IMMP2L: variants seen among roughly 807,000 people sequenced by gnomAD.
The protein encoded by IMMP2L is mitochondrial inner membrane protease subunit 2.
A neutral mutation model predicts 19.3 loss-of-function variants in IMMP2L; 18 were observed. That is an observed-to-expected ratio of 0.93 (90% CI 0.64 to 1.38). IMMP2L has a LOEUF of 1.38. Among genes scored for constraint, IMMP2L ranks in the 40% most tolerant of loss-of-function variants. The probability of loss-of-function intolerance (pLI) is 0.00; values close to 1 mark genes in which losing one functional copy is unlikely to be tolerated. For synonymous variants in IMMP2L, 76 were observed against 73.0 expected, an observed-to-expected ratio of 1.04 and a Z score of -0.21; for missense variants, 233 against 218.2, an observed-to-expected ratio of 1.07 and a Z score of -0.43.
chr7:110,663,933 A>C (rs1791245007), intron 5 of IMMP2L, among the ~76,000 whole-genome samples: 1 of 152,212 alleles, frequency 6.6e-6, no homozygotes, highest in Non-Finnish European at 1.5e-5. Context: ...GCTATTGTAT[A>C]TAAACTCCTT....
At chr7:111,283,294 T>C (rs756710678) in intron 3 of IMMP2L, among the ~76,000 whole-genome samples, 1 of 152,096 alleles carries the variant, frequency 6.6e-6, no homozygotes, top group Admixed American at 6.6e-5. Context: ...GAATGGGAGC[T>C]AGCAAGGAGC....
chr7:110,922,727 A>G (rs907167080), intron 4 of IMMP2L, among the ~76,000 whole-genome samples: 1 of 152,174 alleles, frequency 6.6e-6, no homozygotes, highest in African/African-American at 2.4e-5. Flanking sequence ...AGCTGAACTT[A>G]GAATCATGAA....
At chr7:110,954,598 C>T (rs1361507856) in intron 4 of IMMP2L, among the ~76,000 whole-genome samples, 1 of 152,020 alleles carries the variant, frequency 6.6e-6, no homozygotes, top group Non-Finnish European at 1.5e-5. Flanking sequence ...GTGGAGTATA[C>T]ACTATTACAA....
chr7:111,326,932 T>A (rs1021554610), intron 3 of IMMP2L, among the ~76,000 whole-genome samples: 1 of 151,854 alleles, frequency 6.6e-6, no homozygotes, highest in Non-Finnish European at 1.5e-5. Flanking sequence ...TGCAGCACTA[T>A]TCACAATAGC....
chr7:111,088,451 A>G (rs1429462251), intron 3 of IMMP2L, among the ~76,000 whole-genome samples: 1 of 151,416 alleles, frequency 6.6e-6, no homozygotes, highest in Non-Finnish European at 1.5e-5. Flanking sequence ...GAAGAAACTT[A>G]AAAAAAAATG....
At chr7:111,465,875 C>T (rs1323082655) in intron 3 of IMMP2L, among the ~76,000 whole-genome samples, 2 of 152,072 alleles carry the variant, frequency 1.3e-5, no homozygotes, top group African/African-American at 2.4e-5. Context: ...CACATGCACA[C>T]GTATGTTTAT....
At chr7:111,075,838 G>C (rs1198933460) in intron 3 of IMMP2L, among the ~76,000 whole-genome samples, 2 of 152,018 alleles carry the variant, frequency 1.3e-5, no homozygotes, top group African/African-American at 4.8e-5. Context: ...TTTTAAATTT[G>C]ATGTGTCCAT....
At chr7:111,019,503 G>C (rs1003162462) in intron 3 of IMMP2L, among the ~76,000 whole-genome samples, 1 of 152,138 alleles carries the variant, frequency 6.6e-6, no homozygotes, top group Non-Finnish European at 1.5e-5. Context: ...GACAGAGGGG[G>C]AGGCAGCCAG....
chr7:110,774,999 C>A (rs959786406), intron 5 of IMMP2L, among the ~76,000 whole-genome samples: 2 of 151,830 alleles, frequency 1.3e-5, no homozygotes, highest in African/African-American at 4.8e-5. Flanking sequence ...TACCATGCAG[C>A]CAATTAAAAT....
At chr7:110,910,412 A>G (rs931385328) in intron 4 of IMMP2L, among the ~76,000 whole-genome samples, 7 of 152,198 alleles carry the variant, frequency 4.6e-5, no homozygotes, top group East Asian at 1.9e-4. Context: ...TACTCATTCA[A>G]TGAATATTGA....
chr7:111,334,351 A>G (rs1319069518), intron 3 of IMMP2L, among the ~76,000 whole-genome samples: 3 of 151,952 alleles, frequency 2.0e-5, no homozygotes, highest in Non-Finnish European at 4.4e-5. Context: ...TCACTTAACA[A>G]AACGGCCTTC....
chr7:111,502,648 A>G (rs1844413569), intron 2 of IMMP2L, among the ~76,000 whole-genome samples: 1 of 152,050 alleles, frequency 6.6e-6, no homozygotes, highest in Non-Finnish European at 1.5e-5. Flanking sequence ...ATCAAACTAG[A>G]ACTCAGGATT....
At chr7:111,375,008 C>T (rs2131148993) in intron 3 of IMMP2L, among the ~76,000 whole-genome samples, 1 of 152,094 alleles carries the variant, frequency 6.6e-6, no homozygotes, top group Admixed American at 6.6e-5. Context: ...CAGTTCCTAC[C>T]ACAGTTTTAG....
At chr7:111,000,555 A>C (rs138407323) in intron 3 of IMMP2L, among the ~76,000 whole-genome samples, 1 of 152,290 alleles carries the variant, frequency 6.6e-6, no homozygotes, top group African/African-American at 2.4e-5. Context: ...AAAACAACAG[A>C]TGGATGGATG....
chr7:110,815,304 C>A (rs916558307), intron 5 of IMMP2L, among the ~76,000 whole-genome samples: 1 of 152,096 alleles, frequency 6.6e-6, no homozygotes. Flanking sequence ...CCTTGCATCC[C>A]AGGGATGAAG....
At chr7:111,430,548 T>C (rs1223713565) in intron 3 of IMMP2L, among the ~76,000 whole-genome samples, 1 of 151,804 alleles carries the variant, frequency 6.6e-6, no homozygotes, top group African/African-American at 2.4e-5. Flanking sequence ...TTGTATTTCC[T>C]TGATTTATCA....
chr7:110,765,559 CT>C (rs1208866754), intron 5 of IMMP2L, among the ~76,000 whole-genome samples: 1 of 152,094 alleles, frequency 6.6e-6, no homozygotes, highest in Non-Finnish European at 1.5e-5. Flanking sequence ...ATATTCAGTA[CT>C]CAGTATTTTG....
At chr7:111,393,073 A>G (rs991040080) in intron 3 of IMMP2L, among the ~76,000 whole-genome samples, 1 of 152,034 alleles carries the variant, frequency 6.6e-6, no homozygotes, top group East Asian at 1.9e-4. Context: ...CCCTCCCCAG[A>G]GGTTGTCACA....
At chr7:110,939,980 C>T (rs2129552860) in intron 4 of IMMP2L, among the ~76,000 whole-genome samples, 1 of 152,248 alleles carries the variant, frequency 6.6e-6, no homozygotes, top group South Asian at 2.1e-4. Flanking sequence ...GTCTCCTTAT[C>T]TGGAAATAAG....
Sources: allele counts gnomAD v4.1 joint callset (sites outside exome capture counted in the v4.1 genomes callset), GRCh38; gene constraint gnomAD v4.1.1; transcripts MANE v1.5; gene names NCBI Gene and HGNC (gene_info 2026-07-23, HGNC 2026-07-21).